TMEM229B: variants seen among roughly 807,000 people sequenced by gnomAD.
The protein encoded by TMEM229B is transmembrane protein 229B, also known as chromosome 14 open reading frame 83.
In TMEM229B, 6 loss-of-function variants were observed where a neutral mutation model predicts 13.7. That is an observed-to-expected ratio of 0.44 (90% CI 0.24 to 0.86). The LOEUF is 0.86. Ranked by LOEUF, TMEM229B falls within the 40% of genes least tolerant of loss-of-function variation. The probability of loss-of-function intolerance (pLI) is 0.23; values close to 1 mark genes in which losing one functional copy is unlikely to be tolerated. For missense variants in TMEM229B, 170 were observed against 236.0 expected, an observed-to-expected ratio of 0.72 and a Z score of 1.83; for synonymous variants, 107 against 102.1, an observed-to-expected ratio of 1.05 and a Z score of -0.29.
intron 1 of TMEM229B, among the ~76,000 whole-genome samples, chr14:67,507,600 C>T (rs2032873647): frequency 6.6e-6 from 1 of 152,096 alleles, no homozygotes; most frequent in African/African-American, 2.4e-5. Context: ...AGACATGCGC[C>T]ACCATGTCCA....
upstream of TMEM229B, chr14:67,515,517 T>C: frequency 6.4e-6 from 1 of 156,004 alleles, no homozygotes; most frequent in Non-Finnish European, 1.4e-5. Flanking sequence ...CCGGCTTAAC[T>C]CCTTGCTCGC....
rs994673968 is a variant in TMEM229B at position 67,472,897 on chromosome 14, C to T, written c.*523G>A. The stretch of plus-strand genomic sequence containing the variant: ...GGGTCTCCCAGCCCTTGCAGACCAG[C>T]GTTGCTGCCACGCAGCCTCCTGGCT... On this transcript the variant is annotated 3_prime_UTR_variant, in exon 3 of 3. Coordinates refer to ENST00000554480, the MANE Select transcript of TMEM229B (RefSeq NM_001348543.2). 1 of 163,492 alleles carries T rather than the reference C, an allele frequency of 6.1e-6. No homozygotes were observed. The highest frequency in any genetic ancestry group is 2.4e-5 in the African/African-American group (1 of 40,990). 10.1% of individuals were successfully genotyped at this position (163,492 alleles called of 1,614,324 possible).
intron 1 of TMEM229B, among the ~76,000 whole-genome samples, chr14:67,511,293 T>A (rs1305547260): frequency 6.6e-6 from 1 of 152,152 alleles, no homozygotes; most frequent in Non-Finnish European, 1.5e-5. Context: ...TCTCCCCTCA[T>A]CTTTTCATAT....
chr14:67,529,478 G>A (rs2033414231), intron 1 of TMEM229B, among the ~76,000 whole-genome samples: 1 of 152,156 alleles, frequency 6.6e-6, no homozygotes, highest in South Asian at 2.1e-4. Context: ...GTAACTGAAT[G>A]AATAAATGAA....
chr14:67,523,841 T>C (rs1331897945), intron 1 of TMEM229B, among the ~76,000 whole-genome samples: 2 of 152,018 alleles, frequency 1.3e-5, no homozygotes, highest in African/African-American at 4.8e-5. Context: ...TGGAGGAATT[T>C]TTTTTTTCTT....
chr14:67,521,460 G>T (rs1033436139), intron 1 of TMEM229B, among the ~76,000 whole-genome samples: 1 of 152,188 alleles, frequency 6.6e-6, no homozygotes, highest in Non-Finnish European at 1.5e-5. Flanking sequence ...GTATCCATAT[G>T]TCCATGTGGG....
At position 67,473,709 on chromosome 14, in the gene TMEM229B, G is replaced by T; in HGVS notation, c.215C>A (p.Pro72Gln). Residue 72 changes from proline to glutamine, a missense_variant, in exon 3 of 3, where the codon CCG becomes CAG. Physicochemically the swap from Pro to Gln is moderately conservative, Grantham distance 76. Around this residue, in one of 4 missense-constraint regions of TMEM229B, gnomAD observed 57 missense variants for 66.7 expected, o/e 0.85. Coordinates refer to ENST00000554480, the MANE Select transcript of TMEM229B (RefSeq NM_001348543.2). This position sits in a 1 kb window ranked among gnomAD's most constrained non-coding sequence, Gnocchi z 6.5. ...GTAGATGAGGCAGCGCAGGAGCAGCGGGCAGCGGCCGCGCAGCCGCAGGTA... is the reference window on the plus strand; with the variant it reads ...GTAGATGAGGCAGCGCAGGAGCAGCTGGCAGCGGCCGCGCAGCCGCAGGTA... ...RMYLRLRGRC[P>Q]LLLRCLIYTL... is the part of the protein sequence containing the mutation. The T allele has an allele frequency of 6.3e-7, 1 of 1,599,146 alleles. No homozygotes were observed. Among genetic ancestry groups the T allele is most frequent in the South Asian group, 1.1e-5 (1 of 89,010 alleles).
rs1383520636 is a variant in TMEM229B at position 67,471,498 on chromosome 14, A to T, written c.*1922T>A. 6.6e-6 allele frequency: 1 copy of T among 152,044 alleles called. No individual in the cohort carries two copies. Among genetic ancestry groups the T allele is most frequent in the African/African-American group, 2.4e-5 (1 of 41,368 alleles). 9.4% of individuals were successfully genotyped at this position (152,044 alleles called of 1,614,324 possible). Reference sequence around the variant, plus strand: ...AATTTTCTCCACCTATAGATGGAAAACAATCTACTCCCACCGGAAGCCTGA... The same window carrying T: ...AATTTTCTCCACCTATAGATGGAAATCAATCTACTCCCACCGGAAGCCTGA... On this transcript the variant is annotated 3_prime_UTR_variant, in exon 3 of 3. Transcript: ENST00000554480.
At chr14:67,516,790 A>AT (rs2033210308), upstream of TMEM229B, among the ~76,000 whole-genome samples, 1 of 152,176 alleles carries the variant, frequency 6.6e-6, no homozygotes, top group East Asian at 1.9e-4. Context: ...TGGTCAAGCC[A>AT]TTTTTCTCAG....
intron 1 of TMEM229B, among the ~76,000 whole-genome samples, chr14:67,500,811 T>C (rs1594705178): frequency 6.6e-6 from 1 of 151,742 alleles, no homozygotes; most frequent in African/African-American, 2.4e-5. Context: ...GAACTTGTGA[T>C]CCGCCCGCCT....
chr14:67,484,834 C>T (rs1344876486), intron 2 of TMEM229B, among the ~76,000 whole-genome samples: 1 of 152,172 alleles, frequency 6.6e-6, no homozygotes, highest in Non-Finnish European at 1.5e-5. Flanking sequence ...GCAATATTTT[C>T]CTATGTGTGT....
upstream of TMEM229B, among the ~76,000 whole-genome samples, chr14:67,518,263 C>A (rs560002820): frequency 2.3e-4 from 35 of 152,346 alleles, no homozygotes; most frequent in Admixed American, 2.0e-3. Context: ...TTTGCTCAAG[C>A]AAACTTGGTT....
At chr14:67,516,537 G>C (rs2033204887), upstream of TMEM229B, among the ~76,000 whole-genome samples, 1 of 152,164 alleles carries the variant, frequency 6.6e-6, no homozygotes, top group South Asian at 2.1e-4. Flanking sequence ...GGTTCATCCA[G>C]CTGCTCTTGC....
upstream of TMEM229B, among the ~76,000 whole-genome samples, chr14:67,517,910 C>T (rs1297543529): frequency 6.6e-6 from 1 of 152,218 alleles, no homozygotes; most frequent in Non-Finnish European, 1.5e-5. Flanking sequence ...GCACCAAGAA[C>T]ATTTGACATA....
upstream of TMEM229B, among the ~76,000 whole-genome samples, chr14:67,519,735 T>A (rs946883350): frequency 6.6e-6 from 1 of 152,040 alleles, no homozygotes; most frequent in Non-Finnish European, 1.5e-5. Context: ...TTTTTACTTT[T>A]TTTTTGAGAC....
intron 1 of TMEM229B, among the ~76,000 whole-genome samples, chr14:67,514,130 G>A (rs927807523): frequency 1.3e-5 from 2 of 152,074 alleles, no homozygotes; most frequent in African/African-American, 2.4e-5. Flanking sequence ...CCAGCAGAAA[G>A]CTGCCTGGGG....
At chr14:67,494,064 C>T (rs1003325617) in intron 1 of TMEM229B, among the ~76,000 whole-genome samples, 3 of 152,038 alleles carry the variant, frequency 2.0e-5, no homozygotes, top group African/African-American at 7.2e-5. Flanking sequence ...ACACCAGGCA[C>T]CTCCACCATA....
At position 67,478,138 on chromosome 14, in the gene TMEM229B, G is replaced by A. The variant is rs142641553; in HGVS notation, c.-18-4197C>T. Among the ~76,000 whole-genome samples, 95 of 152,326 alleles carry A rather than the reference G, an allele frequency of 6.2e-4. 5 individuals are homozygous for A. The highest frequency in any genetic ancestry group is 2.0e-4 in the Admixed American group (3 of 15,304). On this transcript the variant is annotated intron_variant, in intron 2 of 2. Transcript: ENST00000554480. Reference sequence around the variant, plus strand: ...TGTCTGTGGTTGGCAGACGGCTGGGGCAGCGTAGCTCCACTCCACCTGTCT... The same window carrying A: ...TGTCTGTGGTTGGCAGACGGCTGGGACAGCGTAGCTCCACTCCACCTGTCT...
At position 67,473,904 on chromosome 14, in the gene TMEM229B, AGGGGCTCGGCAGACGCCATGGCGCCGACT is replaced by A. The variant is rs1566669773; in HGVS notation, c.-10_19del. On this transcript the variant is annotated start_lost and 5_prime_UTR_variant, in exon 3 of 3. Coordinates refer to ENST00000554480, the MANE Select transcript of TMEM229B (RefSeq NM_001348543.2). This position sits in a 1 kb window ranked among gnomAD's most constrained non-coding sequence, Gnocchi z 6.5. ...CAGGTACCAGCGGGACAGCGCCGTC[AGGGGCTCGGCAGACGCCATGGCGCCGACT>A]GGGGCTGGCTGCGGGGGGCGCAAGA... is the stretch of plus-strand genomic sequence containing the variant. 1.2e-6 allele frequency: 2 copies of A among 1,606,160 alleles called. No homozygotes were observed. The highest frequency in any genetic ancestry group is 1.7e-6 in the Non-Finnish European group (2 of 1,176,710).
Sources: gnomAD v4.1 joint callset for allele counts (sites outside exome capture counted in the v4.1 genomes callset) on GRCh38, gnomAD v4.1.1 for gene constraint, gnomAD v4.1.1 regional missense constraint, Gnocchi (gnomAD v3.1) non-coding constraint, MANE v1.5 for transcripts, NCBI Gene and HGNC (gene_info 2026-07-23, HGNC 2026-07-21) for gene names.